Variants in COX16 observed in about 807,000 individuals in gnomAD.
The protein encoded by COX16 is cytochrome c oxidase assembly factor COX16.
Under a neutral mutation model 15.4 loss-of-function variants are expected in COX16, and 12 were observed. That is an observed-to-expected ratio of 0.78 (90% CI 0.50 to 1.26). The LOEUF is 1.26. Ranked by LOEUF, COX16 falls within the 50% of genes most tolerant of loss-of-function variation. The pLI, the probability that COX16 is intolerant of heterozygous loss-of-function variation, is 0.00. For synonymous variants in COX16, 46 were observed against 41.1 expected, an observed-to-expected ratio of 1.12 and a Z score of -0.46; for missense variants, 124 against 127.6, an observed-to-expected ratio of 0.97 and a Z score of 0.14.
At chr14:70,347,082 G>T (rs1379915974) in intron 1 of COX16, among the ~76,000 whole-genome samples, 1 of 151,564 alleles carries the variant, frequency 6.6e-6, no homozygotes, top group Non-Finnish European at 1.5e-5. Flanking sequence ...ACCCCCGTCC[G>T]CATTACCCTT....
At chr14:70,327,938 A>T (rs1039353463) in intron 3 of COX16, among the ~76,000 whole-genome samples, 1 of 152,158 alleles carries the variant, frequency 6.6e-6, no homozygotes, top group Non-Finnish European at 1.5e-5. Context: ...GAGAAAAAAC[A>T]GTGTCAAGAA....
chr14:70,341,926 CTT>C (rs1886635382), intron 2 of COX16, among the ~76,000 whole-genome samples: 2 of 151,990 alleles, frequency 1.3e-5, no homozygotes, highest in Admixed American at 1.3e-4. Context: ...ATGTAGCTGT[CTT>C]TATTTATACT....
chr14:70,333,747 A>G (rs1175714940), intron 2 of COX16, among the ~76,000 whole-genome samples: 1 of 152,206 alleles, frequency 6.6e-6, no homozygotes, highest in African/African-American at 2.4e-5. Context: ...AAATGTCACC[A>G]ATCAGATTCA....
At chr14:70,340,115 G>T (rs546871505) in intron 2 of COX16, among the ~76,000 whole-genome samples, 1 of 152,266 alleles carries the variant, frequency 6.6e-6, no homozygotes, top group East Asian at 1.9e-4. Flanking sequence ...CATGTGTCAT[G>T]GGAGGGACCT....
intron 1 of COX16, among the ~76,000 whole-genome samples, chr14:70,346,204 T>C (rs1207435716): frequency 6.6e-6 from 1 of 152,230 alleles, no homozygotes; most frequent in African/African-American, 2.4e-5. Flanking sequence ...CTTCAGAAGC[T>C]TGATGATGGC....
At position 70,341,513 on chromosome 14, in the gene COX16, GTTC is replaced by G. The variant is rs1886623080; in HGVS notation, c.141+1142_141+1144del. Among the ~76,000 whole-genome samples, 4 of 152,282 alleles carry G rather than the reference GTTC, an allele frequency of 2.6e-5. No individual in the cohort carries two copies. The South Asian group carries it at 8.3e-4, about 32-fold the overall frequency. On this transcript the variant is annotated intron_variant, in intron 2 of 3. Coordinates refer to ENST00000389912, the MANE Select transcript of COX16 (RefSeq NM_016468.7). ...TGTACTTCTGAATGAAAAAACCAGA[GTTC>G]TTATGTGTCCTGAATTTCACAATTG...
chr14:70,330,915 A>T (rs1244626693), intron 2 of COX16, among the ~76,000 whole-genome samples: 1 of 152,266 alleles, frequency 6.6e-6, no homozygotes, highest in Non-Finnish European at 1.5e-5. Flanking sequence ...AAAAATCAAA[A>T]CTTATAGTAA....
chr14:70,348,924 C>G (rs1383325142), intron 1 of COX16, among the ~76,000 whole-genome samples: 1 of 152,126 alleles, frequency 6.6e-6, no homozygotes, highest in Non-Finnish European at 1.5e-5. Context: ...AAACAAGTAG[C>G]CCTGCAACCC....
chr14:70,342,813 AC>A, intron 1 of COX16, 84 bp from the exon 2 acceptor site: 3 of 1,414,414 alleles, frequency 2.1e-6, no homozygotes, highest in Non-Finnish European at 2.9e-6. Flanking sequence ...TTTCTAAACA[AC>A]AATAGAGGCA....
intron 2 of COX16, among the ~76,000 whole-genome samples, chr14:70,329,609 C>T (rs1333050899): frequency 6.6e-6 from 1 of 150,946 alleles, no homozygotes; most frequent in Non-Finnish European, 1.5e-5. Flanking sequence ...AGAGTTCACA[C>T]TATTAACCAC....
chr14:70,348,636 C>T (rs1481899052), intron 1 of COX16, among the ~76,000 whole-genome samples: 1 of 152,196 alleles, frequency 6.6e-6, no homozygotes, highest in Non-Finnish European at 1.5e-5. Flanking sequence ...GCTGAATGCA[C>T]TGCTCTCACT....
In COX16 at chr14:70,347,875, C is replaced by T. The variant is rs367850213; in HGVS notation, c.70-5146G>A. Among the ~76,000 whole-genome samples, 7 of 152,234 alleles carry T rather than the reference C, an allele frequency of 4.6e-5. No homozygotes were observed. In the South Asian group the frequency reaches 8.3e-4, roughly 18 times the overall value. On this transcript the variant is annotated intron_variant, in intron 1 of 3. Coordinates refer to ENST00000389912, the MANE Select transcript of COX16 (RefSeq NM_016468.7). ...GGATATGTTAGGCTCTGGGTTCCCTCCTTTGCTCTACTTGCCAAACCATTA... is the reference window on the plus strand; with the variant it reads ...GGATATGTTAGGCTCTGGGTTCCCTTCTTTGCTCTACTTGCCAAACCATTA...
intron 2 of COX16, among the ~76,000 whole-genome samples, chr14:70,337,832 A>G (rs1886501492): frequency 6.6e-6 from 1 of 152,174 alleles, no homozygotes; most frequent in Non-Finnish European, 1.5e-5. Context: ...GGATGGCTTC[A>G]TGTGGAGATT....
chr14:70,347,196 T>A (rs1886809831), intron 1 of COX16, among the ~76,000 whole-genome samples: 1 of 152,048 alleles, frequency 6.6e-6, no homozygotes, highest in South Asian at 2.1e-4. Context: ...AGTCACCTAC[T>A]CCACCCAAGA....
chr14:70,352,578 T>C (rs575171605), intron 1 of COX16, among the ~76,000 whole-genome samples: 1 of 106,766 alleles, frequency 9.4e-6, no homozygotes, highest in Admixed American at 1.0e-4. Context: ...TAATGCATAT[T>C]ACATACATTA....
intron 1 of COX16, among the ~76,000 whole-genome samples, chr14:70,358,933 A>G (rs539426897): frequency 1.3e-5 from 2 of 152,362 alleles, no homozygotes; most frequent in South Asian, 4.1e-4. Flanking sequence ...ATTATAACAC[A>G]GCAATCATTC....
intron 1 of COX16, among the ~76,000 whole-genome samples, chr14:70,343,329 T>C (rs1886678168): frequency 6.6e-6 from 1 of 152,234 alleles, no homozygotes; most frequent in African/African-American, 2.4e-5. Flanking sequence ...CTCTCTCAAC[T>C]TCTGGTTCTG....
intron 2 of COX16, among the ~76,000 whole-genome samples, chr14:70,334,133 C>G (rs903710112): frequency 6.6e-6 from 1 of 152,194 alleles, no homozygotes; most frequent in Non-Finnish European, 1.5e-5. Context: ...TATACTAATA[C>G]TGCAATCATG....
At chr14:70,333,525 TACAC>T (rs1223881084) in intron 2 of COX16, among the ~76,000 whole-genome samples, 1 of 151,662 alleles carries the variant, frequency 6.6e-6, no homozygotes, top group Non-Finnish European at 1.5e-5. Flanking sequence ...GATTTGAAAA[TACAC>T]AGTAAGAAGA....
Sources: allele counts gnomAD v4.1 joint callset (sites outside exome capture counted in the v4.1 genomes callset), GRCh38; gene constraint gnomAD v4.1.1; transcripts MANE v1.5; gene names NCBI Gene and HGNC (gene_info 2026-07-23, HGNC 2026-07-21).